The following CCDC171 variants were observed in gnomAD, a reference collection of about 807,000 sequenced individuals.
CCDC171 encodes the protein coiled-coil domain containing 171.
A neutral mutation model predicts 168.2 loss-of-function variants in CCDC171; 177 were observed. The observed-to-expected ratio is 1.05, with a 90% CI of 0.93 to 1.19. The LOEUF (loss-of-function observed/expected upper bound fraction) is 1.19. Among genes scored for constraint, CCDC171 ranks in the 50% most tolerant of loss-of-function variants. The pLI, the probability that CCDC171 is intolerant of heterozygous loss-of-function variation, is 0.00. For synonymous variants in CCDC171, 687 were observed against 540.8 expected (o/e 1.27, Z -3.75); for missense variants, 1,991 against 1,539.0 (o/e 1.29, Z -4.91).
chr9:15,729,105 A>G (rs1439892648), intron 15 of CCDC171, among the ~76,000 whole-genome samples: 1 of 152,154 alleles, frequency 6.6e-6, no homozygotes, highest in Non-Finnish European at 1.5e-5. Context: ...ATGGTATTAT[A>G]TTTTCAATAG....
intron 16 of CCDC171, among the ~76,000 whole-genome samples, chr9:15,743,390 T>G (rs1588244917): frequency 6.6e-6 from 1 of 152,012 alleles, no homozygotes; most frequent in East Asian, 1.9e-4. Context: ...CAGGATGGTC[T>G]CAAACTCTTG....
At chr9:15,768,055 C>T (rs2135223745) in intron 18 of CCDC171, among the ~76,000 whole-genome samples, 1 of 149,926 alleles carries the variant, frequency 6.7e-6, no homozygotes, top group South Asian at 2.1e-4. Flanking sequence ...GTTTTTATTC[C>T]TTGTTGTCCC....
intron 25 of CCDC171, among the ~76,000 whole-genome samples, chr9:15,927,397 G>A (rs1447517084): frequency 4.0e-5 from 6 of 151,752 alleles, no homozygotes; most frequent in Non-Finnish European, 8.9e-5. Flanking sequence ...TTGGAGACCA[G>A]CACACCCACA....
intron 21 of CCDC171, among the ~76,000 whole-genome samples, chr9:15,807,331 C>T (rs1188932498): frequency 2.0e-5 from 3 of 152,158 alleles, no homozygotes; most frequent in Admixed American, 1.3e-4. Flanking sequence ...TGGCTCTTGC[C>T]ATGACTTGTA....
At chr9:15,573,539 C>T (rs932289924) in intron 3 of CCDC171, among the ~76,000 whole-genome samples, 3 of 152,134 alleles carry the variant, frequency 2.0e-5, no homozygotes, top group African/African-American at 7.2e-5. Flanking sequence ...ACCTTGGCCT[C>T]CCAAAGTGCT....
chr9:15,578,517 G>T (rs1468453224), intron 3 of CCDC171, among the ~76,000 whole-genome samples: 1 of 150,598 alleles, frequency 6.6e-6, no homozygotes, highest in Non-Finnish European at 1.5e-5. Flanking sequence ...TGATCCTCCT[G>T]CCTTGGCCTC....
intron 2 of CCDC171, among the ~76,000 whole-genome samples, chr9:15,569,740 G>A (rs1306829688): frequency 3.3e-5 from 5 of 151,694 alleles, no homozygotes; most frequent in East Asian, 3.9e-4. Context: ...GCGTGAACCC[G>A]GGAGGCGGAG....
intron 7 of CCDC171, among the ~76,000 whole-genome samples, chr9:15,635,563 G>A (rs1467561846): frequency 6.6e-6 from 1 of 152,070 alleles, no homozygotes; most frequent in Non-Finnish European, 1.5e-5. Context: ...ATTAGATGGT[G>A]CCCACCCAGA....
intron 25 of CCDC171, among the ~76,000 whole-genome samples, chr9:15,929,938 A>G (rs1826315440): frequency 6.6e-6 from 1 of 151,636 alleles, no homozygotes; most frequent in South Asian, 2.1e-4. Flanking sequence ...ACCATTGTTC[A>G]ATTGGCAGAA....
intron 23 of CCDC171, among the ~76,000 whole-genome samples, chr9:15,859,558 T>G (rs1264726074): frequency 2.6e-5 from 4 of 151,932 alleles, no homozygotes; most frequent in Non-Finnish European, 4.4e-5. Context: ...TGAGTCAATC[T>G]CCTTACTATT....
intron 21 of CCDC171, among the ~76,000 whole-genome samples, chr9:15,787,839 T>G (rs1052621547): frequency 2.6e-5 from 4 of 152,206 alleles, no homozygotes; most frequent in Non-Finnish European, 5.9e-5. Context: ...TAATTTGTAT[T>G]TCTTTTATTA....
intron 11 of CCDC171, among the ~76,000 whole-genome samples, chr9:15,721,459 C>T (rs1245674277): frequency 6.6e-6 from 1 of 151,362 alleles, no homozygotes; most frequent in East Asian, 2.0e-4. Context: ...AAAACAAAAA[C>T]AAAACTCACT....
In CCDC171 at chr9:15,690,221, T is replaced by G. The variant is rs377480988; in HGVS notation, c.1216-5014T>G. Among the ~76,000 whole-genome samples the G allele has an allele frequency of 9.2e-5, 14 of 152,210 alleles. No homozygotes were observed. The South Asian group carries it at 2.9e-3, about 32-fold the overall frequency. The stretch of plus-strand genomic sequence containing the variant: ...ATATGCTTGTACAACCTCGTGAAAA[T>G]ACTAAAAACATTAAACACTTTAATT... On this transcript the variant is annotated intron_variant, in intron 10 of 25. Coordinates refer to ENST00000380701, the MANE Select transcript of CCDC171 (RefSeq NM_173550.4).
At chr9:15,659,565 T>G (rs1006111758) in intron 8 of CCDC171, among the ~76,000 whole-genome samples, 3 of 152,192 alleles carry the variant, frequency 2.0e-5, no homozygotes, top group Non-Finnish European at 4.4e-5. Flanking sequence ...TCATGTTATT[T>G]AGCTGGTCAG....
At chr9:16,051,072 A>G (rs1038551035) in intron 1 of CCDC171, among the ~76,000 whole-genome samples, 1 of 152,230 alleles carries the variant, frequency 6.6e-6, no homozygotes, top group Admixed American at 6.5e-5. Flanking sequence ...AAAGTGGCCT[A>G]TGCAGTGTTT....
chr9:16,025,484 C>G (rs1256790429), intron 6 of CCDC171, among the ~76,000 whole-genome samples: 1 of 152,020 alleles, frequency 6.6e-6, no homozygotes, highest in African/African-American at 2.4e-5. Context: ...AACAAAAAAA[C>G]TTGGACAGGG....
rs538678571 is a variant in CCDC171, at chr9:15,950,188, T to C, written c.3754-21421T>C. Among the ~76,000 whole-genome samples, 14 of 152,202 alleles carry C rather than the reference T, an allele frequency of 9.2e-5. No homozygotes were observed. In the East Asian group the frequency reaches 2.7e-3, roughly 29 times the overall value. ...AGTGACGGGGAGAATGGAACCAAGTTGGAAACACTCTGCAGGATATCATCC... is the reference window on the plus strand; with the variant it reads ...AGTGACGGGGAGAATGGAACCAAGTCGGAAACACTCTGCAGGATATCATCC... On this transcript the variant is annotated intron_variant, in intron 25 of 25. Transcript: ENST00000380701.
chr9:15,917,097 A>G (rs754262086), intron 24 of CCDC171, among the ~76,000 whole-genome samples: 1 of 151,956 alleles, frequency 6.6e-6, no homozygotes, highest in Non-Finnish European at 1.5e-5. Flanking sequence ...TCTTCTGCCA[A>G]CTTGACACCT....
At position 15,705,091 on chromosome 9, in the gene CCDC171, G is replaced by C. The variant is rs866256361; in HGVS notation, c.1318+9754G>C. 1.3e-4 allele frequency among the ~76,000 whole-genome samples: 19 copies of C among 147,758 alleles called. No individual in the cohort carries two copies. In the East Asian group the frequency reaches 2.8e-3, roughly 22 times the overall value. On this transcript the variant is annotated intron_variant, in intron 11 of 25. Transcript: ENST00000380701. ...GCTAATAGATCTTAAGTATCCTTAC[G>C]ACACACACACACACACACACACACA...
Sources: gnomAD v4.1 joint callset for allele counts (sites outside exome capture counted in the v4.1 genomes callset) on GRCh38, gnomAD v4.1.1 for gene constraint, MANE v1.5 for transcripts, NCBI Gene and HGNC (gene_info 2026-07-23, HGNC 2026-07-21) for gene names.